The following VTI1A variants were observed in gnomAD, a reference collection of about 807,000 sequenced individuals.
The protein encoded by VTI1A is vesicle transport through interaction with t-SNAREs homolog 1A.
Under a neutral mutation model 34.9 loss-of-function variants are expected in VTI1A, and 22 were observed. The ratio of observed to expected loss-of-function variants is 0.63; its 90% CI spans 0.45 to 0.90. The LOEUF (loss-of-function observed/expected upper bound fraction) is 0.90, where lower values mean the gene tolerates loss of function less well. Among genes scored for constraint, VTI1A ranks in the 40% least tolerant of loss-of-function variants. The pLI is 0.00. For synonymous variants in VTI1A, 87 were observed against 97.3 expected (o/e 0.89, Z 0.62); for missense variants, 268 against 275.6 (o/e 0.97, Z 0.20).
At chr10:112,749,908 G>A (rs1036926198) in intron 7 of VTI1A, among the ~76,000 whole-genome samples, 15 of 152,146 alleles carry the variant, frequency 9.9e-5, no homozygotes, top group African/African-American at 3.6e-4. Flanking sequence ...TAGCTGTTAA[G>A]TGAACCATGC....
the VTI1A span, among the ~76,000 whole-genome samples, chr10:112,838,353 C>T: frequency 6.6e-6 from 1 of 152,192 alleles, no homozygotes; most frequent in Non-Finnish European, 1.5e-5. Context: ...GAGCCTTCTG[C>T]ACAGACTGGG....
chr10:112,726,409 G>T (rs756500224), intron 7 of VTI1A, among the ~76,000 whole-genome samples: 1 of 152,070 alleles, frequency 6.6e-6, no homozygotes, highest in Non-Finnish European at 1.5e-5. Context: ...TGTCCAAGCC[G>T]TCAGTAGACA....
At chr10:112,502,670 C>T (rs1849285339) in intron 3 of VTI1A, among the ~76,000 whole-genome samples, 1 of 152,180 alleles carries the variant, frequency 6.6e-6, no homozygotes, top group Non-Finnish European at 1.5e-5. Context: ...CCAACTCGTG[C>T]TTATGACCAG....
At chr10:112,716,162 A>G (rs888835718) in intron 7 of VTI1A, among the ~76,000 whole-genome samples, 8 of 152,178 alleles carry the variant, frequency 5.3e-5, no homozygotes, top group African/African-American at 1.9e-4. Context: ...CCATGAAAAA[A>G]TTTCTGACGA....
intron 7 of VTI1A, among the ~76,000 whole-genome samples, chr10:112,699,244 G>T (rs904172963): frequency 1.7e-4 from 26 of 152,192 alleles, no homozygotes; most frequent in African/African-American, 6.3e-4. Flanking sequence ...CTTAGCTCAG[G>T]CTGCTATAAC....
chr10:112,781,051 TCTC>T (rs772874668), intron 7 of VTI1A, among the ~76,000 whole-genome samples: 3 of 152,036 alleles, frequency 2.0e-5, no homozygotes, highest in Non-Finnish European at 4.4e-5. Context: ...TTTAAGCAAT[TCTC>T]CTGCCTCAGC....
intron 7 of VTI1A, among the ~76,000 whole-genome samples, chr10:112,730,595 C>T (rs895335989): frequency 6.6e-6 from 1 of 151,854 alleles, no homozygotes; most frequent in Non-Finnish European, 1.5e-5. Flanking sequence ...ACCTCTTTCC[C>T]CCTTTCCTTC....
intron 7 of VTI1A, among the ~76,000 whole-genome samples, chr10:112,799,018 C>T (rs1036358015): frequency 3.3e-5 from 5 of 152,142 alleles, no homozygotes; most frequent in African/African-American, 7.2e-5. Flanking sequence ...GTCCATGAGG[C>T]GCGCACAGGC....
At chr10:112,554,776 T>A (rs113812952) in intron 5 of VTI1A, among the ~76,000 whole-genome samples, 4 of 152,260 alleles carry the variant, frequency 2.6e-5, no homozygotes, top group African/African-American at 9.6e-5. Flanking sequence ...TATTTGCCTC[T>A]TCTTTCTTTC....
the VTI1A span, among the ~76,000 whole-genome samples, chr10:112,845,487 T>C: frequency 6.6e-6 from 1 of 152,192 alleles, no homozygotes; most frequent in African/African-American, 2.4e-5. Flanking sequence ...TGCCTGGCTC[T>C]AGAGAAATGC....
At chr10:112,447,049 G>T, upstream of VTI1A, 1 of 315,722 alleles carries the variant, frequency 3.2e-6, no homozygotes, top group Non-Finnish European at 6.2e-6. Context: ...ACGAAGGGGG[G>T]AAAAAACGCT....
chr10:112,593,600 A>C (rs988847484), intron 5 of VTI1A, among the ~76,000 whole-genome samples: 9 of 152,206 alleles, frequency 5.9e-5, no homozygotes, highest in African/African-American at 2.2e-4. Flanking sequence ...ACACAGAAAA[A>C]AATCAAAAAT....
chr10:112,496,147 G>A (rs1391946982), intron 3 of VTI1A, among the ~76,000 whole-genome samples: 1 of 122,958 alleles, frequency 8.1e-6, no homozygotes, highest in East Asian at 2.6e-4. Context: ...AGGATCACTT[G>A]AGCCAAGAAT....
At chr10:112,597,304 G>A (rs1052274782) in intron 5 of VTI1A, among the ~76,000 whole-genome samples, 7 of 151,966 alleles carry the variant, frequency 4.6e-5, no homozygotes, top group Admixed American at 6.6e-5. Flanking sequence ...CGCCACCTCC[G>A]CCTCCTGGGT....
intron 3 of VTI1A, among the ~76,000 whole-genome samples, chr10:112,477,998 T>TG (rs1462776055): frequency 9.2e-5 from 14 of 152,186 alleles, no homozygotes; most frequent in African/African-American, 2.9e-4. Flanking sequence ...AGATTTATAT[T>TG]CATTTTAGTT....
chr10:112,754,536 TAC>T (rs1368325566), intron 7 of VTI1A, among the ~76,000 whole-genome samples: 1 of 152,266 alleles, frequency 6.6e-6, no homozygotes, highest in African/African-American at 2.4e-5. Context: ...TTCTCACCTG[TAC>T]ACACAGTGTA....
intron 7 of VTI1A, among the ~76,000 whole-genome samples, chr10:112,783,386 T>C (rs950551817): frequency 1.6e-5 from 2 of 127,644 alleles, no homozygotes; most frequent in African/African-American, 3.2e-5. Context: ...TGTATGTGCA[T>C]GCCCGCGTGC....
chr10:112,789,865 C>G (rs973169929), intron 7 of VTI1A, among the ~76,000 whole-genome samples: 21 of 151,692 alleles, frequency 1.4e-4, no homozygotes, highest in African/African-American at 5.1e-4. Flanking sequence ...TGGGAGTCTG[C>G]TAAATCTAAC....
chr10:112,466,656 A>G (rs942083610), intron 3 of VTI1A, among the ~76,000 whole-genome samples: 4 of 152,198 alleles, frequency 2.6e-5, no homozygotes, highest in Non-Finnish European at 5.9e-5. Context: ...GCAAAATAAC[A>G]TGTTTATAAA....
Sources: gnomAD v4.1 joint callset for allele counts (sites outside exome capture counted in the v4.1 genomes callset) on GRCh38, gnomAD v4.1.1 for gene constraint, MANE v1.5 for transcripts, NCBI Gene and HGNC (gene_info 2026-07-23, HGNC 2026-07-21) for gene names.